Variants in TSHR observed in about 807,000 individuals in gnomAD.
The protein encoded by TSHR is thyrotropin receptor.
A neutral mutation model predicts 64.1 loss-of-function variants in TSHR; 51 were observed. The observed-to-expected ratio is 0.80, with a 90% CI of 0.64 to 1.01. The LOEUF (loss-of-function observed/expected upper bound fraction) is 1.01. Among genes scored for constraint, TSHR ranks in the 50% least tolerant of loss-of-function variants. The pLI, the probability that TSHR is intolerant of heterozygous loss-of-function variation, is 0.00. For synonymous variants in TSHR, 361 were observed against 361.9 expected (o/e 1.00, Z 0.03); for missense variants, 877 against 942.8 (o/e 0.93, Z 0.91).
intron 9 of TSHR, among the ~76,000 whole-genome samples, chr14:81,142,117 G>A (rs554834091): frequency 1.1e-3 from 165 of 151,974 alleles, no homozygotes; most frequent in Admixed American, 4.4e-3. Flanking sequence ...TCACTCTGTC[G>A]CCACTCAGCC....
chr14:80,978,125 A>ATG (rs1306831980), intron 1 of TSHR, among the ~76,000 whole-genome samples: 9 of 139,058 alleles, frequency 6.5e-5, no homozygotes, highest in African/African-American at 2.2e-4. Context: ...ACACACACAC[A>ATG]CACACATGCA....
intron 1 of TSHR, among the ~76,000 whole-genome samples, chr14:80,956,325 G>GT (rs1168010342): frequency 6.6e-6 from 1 of 152,208 alleles, no homozygotes; most frequent in Non-Finnish European, 1.5e-5. Context: ...GTTGACAAAG[G>GT]TTTAAGCAGG....
At chr14:80,960,611 TAGAG>T (rs1450563395) in intron 1 of TSHR, among the ~76,000 whole-genome samples, 3 of 152,132 alleles carry the variant, frequency 2.0e-5, no homozygotes, top group African/African-American at 7.2e-5. Flanking sequence ...AGAGAATATA[TAGAG>T]AGAGGGAATA....
intron 1 of TSHR, among the ~76,000 whole-genome samples, chr14:81,021,876 T>C (rs1161875822): frequency 6.6e-6 from 1 of 152,208 alleles, no homozygotes; most frequent in Admixed American, 6.5e-5. Flanking sequence ...CTATATTCTT[T>C]TCTGAGTTTA....
intron 1 of TSHR, among the ~76,000 whole-genome samples, chr14:81,022,795 C>T (rs57203954): frequency 0.042 from 6,297 of 151,520 alleles, 423 homozygotes; most frequent in African/African-American, 0.14. Flanking sequence ...CACTCCAGCC[C>T]GGGCGACAAA....
At chr14:80,958,757 G>T (rs1016158213) in intron 1 of TSHR, among the ~76,000 whole-genome samples, 1 of 152,042 alleles carries the variant, frequency 6.6e-6, no homozygotes, top group African/African-American at 2.4e-5. Context: ...CGTTCTGGGT[G>T]GTGACCTCTT....
In TSHR at chr14:81,081,733, T is replaced by C. The variant is rs114804906; in HGVS notation, c.318-6221T>C. 3.3e-3 allele frequency among the ~76,000 whole-genome samples: 497 copies of C among 152,300 alleles called. 4 individuals are homozygous for C. The highest frequency in any genetic ancestry group is 0.011 in the African/African-American group (474 of 41,556). On this transcript the variant is annotated intron_variant, in intron 3 of 9. Transcript: ENST00000298171. ...AGGGATTGTATAGCACTTAAAAAAT[T>C]TATAGTAACAAAATGATGGCTTGGG...
rs10133928 is a variant in TSHR at position 81,114,615 on chromosome 14, C to G, written c.692+6163C>G. Among the ~76,000 whole-genome samples, 182 of 152,266 alleles carry G rather than the reference C, an allele frequency of 1.2e-3. 1 individual carries two copies. Among genetic ancestry groups the G allele is most frequent in the Non-Finnish European group, 2.3e-3 (154 of 68,028 alleles). On this transcript the variant is annotated intron_variant, in intron 8 of 9. Coordinates refer to ENST00000298171, the MANE Select transcript of TSHR (RefSeq NM_000369.5). Reference sequence around the variant, plus strand: ...GCGAGGCTGGGGGAGGGGCGCCCACCATTGCACAGGCGTGCTTAGGTAAAC... The same window carrying G: ...GCGAGGCTGGGGGAGGGGCGCCCACGATTGCACAGGCGTGCTTAGGTAAAC...
chr14:81,032,588 C>A, intron 1 of TSHR: 1 of 443,476 alleles, frequency 2.3e-6, no homozygotes, highest in South Asian at 1.9e-5. Context: ...TCAATCCTGT[C>A]ACCAACATGC....
chr14:81,054,665 C>A (rs1885649527), intron 1 of TSHR, among the ~76,000 whole-genome samples: 1 of 152,154 alleles, frequency 6.6e-6, no homozygotes, highest in Non-Finnish European at 1.5e-5. Context: ...AGCAAAGAGA[C>A]TGGCAGCATT....
intron 1 of TSHR, among the ~76,000 whole-genome samples, chr14:81,048,892 GTATA>G (rs987669086): frequency 2.0e-5 from 3 of 152,036 alleles, no homozygotes; most frequent in Non-Finnish European, 4.4e-5. Flanking sequence ...TTTCTTAAAT[GTATA>G]TATAGTTCAC....
chr14:81,081,170 T>C (rs6574624), intron 3 of TSHR, among the ~76,000 whole-genome samples: 5,112 of 152,184 alleles, frequency 0.034, 272 homozygotes, highest in African/African-American at 0.12. Flanking sequence ...CTGGGCAGCA[T>C]AGCATGACCC....
chr14:80,965,101 T>G (rs1454350041), intron 1 of TSHR, among the ~76,000 whole-genome samples: 3 of 152,198 alleles, frequency 2.0e-5, no homozygotes, highest in Non-Finnish European at 2.9e-5. Context: ...ATTTATTGGG[T>G]AGCAAGGGCA....
At chr14:81,093,785 C>G (rs1888944149) in intron 6 of TSHR, 1 of 152,148 alleles carries the variant, frequency 6.6e-6, no homozygotes, top group Non-Finnish European at 1.5e-5. Context: ...TTCTTCTTAC[C>G]ATGCAGAAAA....
At chr14:81,065,321 G>C (rs1228810827) in intron 2 of TSHR, among the ~76,000 whole-genome samples, 1 of 152,172 alleles carries the variant, frequency 6.6e-6, no homozygotes, top group Non-Finnish European at 1.5e-5. Flanking sequence ...ACAGATGCAG[G>C]TAAACTAATA....
At chr14:80,987,799 A>G (rs1313470032) in intron 1 of TSHR, among the ~76,000 whole-genome samples, 1 of 152,128 alleles carries the variant, frequency 6.6e-6, no homozygotes, top group African/African-American at 2.4e-5. Flanking sequence ...TGCTGCCTCC[A>G]GCCTTCTACC....
At position 81,103,536 on chromosome 14, in the gene TSHR, G is replaced by A. The variant is rs1216860109; in HGVS notation, c.615-4839G>A. 1.0e-6 allele frequency: 1 copy of A among 985,336 alleles called. No individual in the cohort carries two copies. The highest frequency in any genetic ancestry group is 1.2e-6 in the Non-Finnish European group (1 of 829,950). The allele number at this position is 985,336 out of a possible 1,614,324, so 61.0% of individuals were successfully genotyped here. A position where few individuals can be genotyped will look rare whatever the true frequency, so the allele number is the denominator to read the frequency against. On this transcript the variant is annotated intron_variant, in intron 7 of 9. Coordinates refer to ENST00000298171, the MANE Select transcript of TSHR (RefSeq NM_000369.5). The surrounding 1 kb of genome is among the most constrained non-coding windows in gnomAD (Gnocchi z 4.1). The stretch of plus-strand genomic sequence containing the variant: ...TGGACAAATTCCACATCGAGTGCAA[G>A]TGCTGATGCCTCAGCAGCAGTCAAG...
intron 1 of TSHR, among the ~76,000 whole-genome samples, chr14:81,023,494 G>C (rs1230116932): frequency 6.6e-6 from 1 of 152,068 alleles, no homozygotes; most frequent in Non-Finnish European, 1.5e-5. Flanking sequence ...CTGATGTAAA[G>C]ACTAAATTAA....
intron 1 of TSHR, among the ~76,000 whole-genome samples, chr14:81,020,364 T>G (rs6574618): frequency 6.6e-6 from 1 of 152,072 alleles, no homozygotes; most frequent in South Asian, 2.1e-4. Context: ...GGCAGGTGAG[T>G]GAGCAAAGCT....
Sources: allele counts gnomAD v4.1 joint callset (sites outside exome capture counted in the v4.1 genomes callset), GRCh38; gene constraint gnomAD v4.1.1; non-coding constraint Gnocchi (gnomAD v3.1); transcripts MANE v1.5; gene names NCBI Gene and HGNC (gene_info 2026-07-23, HGNC 2026-07-21).